LMNA: variants seen among roughly 807,000 people sequenced by gnomAD.
The protein encoded by LMNA is lamin A/C, also known as lamin.
In LMNA, 20 loss-of-function variants were observed where a neutral mutation model predicts 70.4. That is an observed-to-expected ratio of 0.28 (90% CI 0.20 to 0.41). The LOEUF is 0.41. Ranked by LOEUF, LMNA falls within the 10% of genes least tolerant of loss-of-function variation. The pLI is 1.00. For missense variants in LMNA, 652 were observed against 917.2 expected, an observed-to-expected ratio of 0.71 and a Z score of 3.73; for synonymous variants, 339 against 372.8, an observed-to-expected ratio of 0.91 and a Z score of 1.04.
intron 3 of LMNA, among the ~76,000 whole-genome samples, chr1:156,101,288 G>A (rs1453842655): frequency 6.6e-6 from 1 of 152,112 alleles, no homozygotes; most frequent in Non-Finnish European, 1.5e-5. Flanking sequence ...CCCGCAGTTC[G>A]AGAATAGCCT....
rs1009376456 is a variant in LMNA at position 156,139,620 on chromosome 1, G to A, written c.*514G>A. The A allele has an allele frequency of 7.3e-5, 104 of 1,431,412 alleles. 1 individual carries two copies. The Admixed American group carries it at 8.1e-4, about 11-fold the overall frequency. 88.7% of individuals were successfully genotyped at this position (1,431,412 alleles called of 1,614,324 possible). On this transcript the variant is annotated 3_prime_UTR_variant, in exon 12 of 12. Coordinates refer to ENST00000368300, the MANE Select transcript of LMNA (RefSeq NM_170707.4). ...GAGAGAGAGAGGACAGCTTGAGCCG[G>A]GCCCCTGGGCTTGGCCTGCTGTGAT...
At position 156,138,450 on chromosome 1, in the gene LMNA, G is replaced by C; in HGVS notation, c.1699-38G>C. The stretch of plus-strand genomic sequence containing the variant: ...GGTTGGGCCTGAGTGGTCAGTCCCA[G>C]ACTCGCCGTCCCGCCTGAGCCTTGT... On this transcript the variant is annotated intron_variant, in intron 10 of 11. Coordinates refer to ENST00000368300, the MANE Select transcript of LMNA (RefSeq NM_170707.4). This position sits in a 1 kb window ranked among gnomAD's most constrained non-coding sequence, Gnocchi z 5.5. The C allele has an allele frequency of 6.2e-7, 1 of 1,601,924 alleles. No individual in the cohort carries two copies. Among genetic ancestry groups the C allele is most frequent in the Non-Finnish European group, 8.5e-7 (1 of 1,176,070 alleles).
intron 2 of LMNA, among the ~76,000 whole-genome samples, chr1:156,087,325 C>T (rs1648518388): frequency 6.6e-6 from 1 of 151,246 alleles, no homozygotes; most frequent in South Asian, 2.1e-4. Context: ...CTCACTGCAA[C>T]CTCCGCCTCC....
chr1:156,124,962 A>G (rs976707202), intron 1 of LMNA, among the ~76,000 whole-genome samples: 1 of 151,972 alleles, frequency 6.6e-6, no homozygotes, highest in Non-Finnish European at 1.5e-5. Context: ...GCCATTTTCT[A>G]TGTTTTGCAC....
chr1:156,098,540 T>C (rs1306991298), intron 3 of LMNA, among the ~76,000 whole-genome samples: 4 of 152,150 alleles, frequency 2.6e-5, no homozygotes, highest in Admixed American at 6.5e-5. Flanking sequence ...GGTGAGATCA[T>C]GGGAAAGACT....
At chr1:156,131,747 G>C (rs61813334) in intron 2 of LMNA, among the ~76,000 whole-genome samples, 1 of 152,208 alleles carries the variant, frequency 6.6e-6, no homozygotes, top group Non-Finnish European at 1.5e-5. Flanking sequence ...AGGAGGACTG[G>C]AGTTGATCAT....
chr1:156,086,406 C>CTG (rs1362987900), intron 2 of LMNA, among the ~76,000 whole-genome samples: 1 of 152,038 alleles, frequency 6.6e-6, no homozygotes, highest in Non-Finnish European at 1.5e-5. Context: ...CTCTCTCTCT[C>CTG]TCTCTCTCTC....
At position 156,138,869 on chromosome 1, in the gene LMNA, G is replaced by A; in HGVS notation, c.1968+112G>A. ...AGCCTGCCTTCTCTTCCGCAGCCCG[G>A]GGGAGTGGGAGCCTCCTCCCCACAG... is the stretch of plus-strand genomic sequence containing the variant. On this transcript the variant is annotated intron_variant, in intron 11 of 11. Coordinates refer to ENST00000368300, the MANE Select transcript of LMNA (RefSeq NM_170707.4). The surrounding 1 kb of genome is among the most constrained non-coding windows in gnomAD (Gnocchi z 5.5). 4 of 1,460,372 alleles carry A rather than the reference G, an allele frequency of 2.7e-6. No homozygotes were observed. Among genetic ancestry groups the A allele is most frequent in the Non-Finnish European group, 3.8e-6 (4 of 1,054,556 alleles). The allele number at this position is 1,460,372 out of a possible 1,614,324, so 90.5% of individuals were successfully genotyped here. A position where few individuals can be genotyped will look rare whatever the true frequency, so the allele number is the denominator to read the frequency against.
chr1:156,101,214 GTGGCACCTCAC>G (rs1649129068), intron 3 of LMNA, among the ~76,000 whole-genome samples: 1 of 152,184 alleles, frequency 6.6e-6, no homozygotes, highest in Non-Finnish European at 1.5e-5. Context: ...TGGGCTGGGC[GTGGCACCTCAC>G]GCCTATAATC....
chr1:156,136,691 G>A lies in LMNA; in HGVS notation c.1381-230G>A, dbSNP rs1007491801. ...AATGGGGATGAATACTGATCCCTAA[G>A]TCTTTGAGTTGTCAGGAAGATGAAA... is the stretch of plus-strand genomic sequence containing the variant. On this transcript the variant is annotated intron_variant, in intron 7 of 11. Coordinates refer to ENST00000368300, the MANE Select transcript of LMNA (RefSeq NM_170707.4). The surrounding 1 kb of genome is among the most constrained non-coding windows in gnomAD (Gnocchi z 6.1). 1.0e-4 allele frequency: 68 copies of A among 670,064 alleles called. 1 individual carries two copies. Among genetic ancestry groups the A allele is most frequent in the Non-Finnish European group, 1.8e-4 (67 of 373,536 alleles). 41.5% of individuals were successfully genotyped at this position (670,064 alleles called of 1,614,324 possible). A position where few individuals can be genotyped will look rare whatever the true frequency, so the allele number is the denominator to read the frequency against.
At chr1:156,121,324 A>T (rs185843901) in intron 1 of LMNA, among the ~76,000 whole-genome samples, 2 of 152,166 alleles carry the variant, frequency 1.3e-5, no homozygotes, top group East Asian at 3.9e-4. Flanking sequence ...GCTGAGAGCC[A>T]CTGAGCCTAG....
In LMNA at chr1:156,137,596, A is replaced by G. The variant is rs558154965; in HGVS notation, c.1609-58A>G. The G allele has an allele frequency of 1.3e-3, 1,883 of 1,449,546 alleles. 4 individuals are homozygous for G. Among genetic ancestry groups the G allele is most frequent in the Non-Finnish European group, 1.6e-3 (1,655 of 1,056,338 alleles). 89.8% of individuals were successfully genotyped at this position (1,449,546 alleles called of 1,614,324 possible). A position where few individuals can be genotyped will look rare whatever the true frequency, so the allele number is the denominator to read the frequency against. On this transcript the variant is annotated intron_variant, in intron 9 of 11. Coordinates refer to ENST00000368300, the MANE Select transcript of LMNA (RefSeq NM_170707.4). The surrounding 1 kb of genome is among the most constrained non-coding windows in gnomAD (Gnocchi z 4.6). ...GTTGCAGGTGGTCACTGGGGTAGAC[A>G]TGCTGTACAACCCTTCCCTGGCCCT...
At chr1:156,126,280 C>A (rs1300109604) in intron 1 of LMNA, 3 of 1,286,268 alleles carry the variant, frequency 2.3e-6, no homozygotes, top group African/African-American at 3.0e-5. Context: ...TGGGCCAGCT[C>A]CTCCACCTCC....
chr1:156,122,689 C>T (rs1050988606), intron 1 of LMNA, among the ~76,000 whole-genome samples: 23 of 152,186 alleles, frequency 1.5e-4, no homozygotes, highest in Non-Finnish European at 1.5e-5. Flanking sequence ...CCCATTGACC[C>T]GGGTTGGGGG....
At chr1:156,086,449 G>T (rs1226946936) in intron 2 of LMNA, among the ~76,000 whole-genome samples, 2 of 145,872 alleles carry the variant, frequency 1.4e-5, no homozygotes, top group Non-Finnish European at 3.0e-5. Flanking sequence ...CACAAGCCAG[G>T]CTTCTGGCCT....
chr1:156,126,620 A>C, intron 1 of LMNA: 2 of 1,022,700 alleles, frequency 2.0e-6, no homozygotes, highest in Non-Finnish European at 3.1e-6. Context: ...CACCAGGCAC[A>C]GCTCTTCAGA....
At position 156,138,841 on chromosome 1, in the gene LMNA, G is replaced by A; in HGVS notation, c.1968+84G>A. On this transcript the variant is annotated intron_variant, in intron 11 of 11. Transcript: ENST00000368300. This position sits in a 1 kb window ranked among gnomAD's most constrained non-coding sequence, Gnocchi z 5.5. ...TAGGACGAGGTGGCCTTGCAGGGGG[G>A]AGAGCCTGCCTTCTCTTCCGCAGCC... 1 of 1,554,656 alleles carries A rather than the reference G, an allele frequency of 6.4e-7. No homozygotes were observed. Among genetic ancestry groups the A allele is most frequent in the South Asian group, 1.1e-5 (1 of 89,044 alleles).
intron 2 of LMNA, among the ~76,000 whole-genome samples, chr1:156,133,037 AC>A (rs1283989323): frequency 6.6e-6 from 1 of 151,210 alleles, no homozygotes; most frequent in African/African-American, 2.4e-5. Context: ...ACAGGGTTTC[AC>A]CATGTTGGTC....
intron 1 of LMNA, among the ~76,000 whole-genome samples, chr1:156,119,709 G>T (rs1010827991): frequency 6.6e-6 from 1 of 152,170 alleles, no homozygotes; most frequent in Admixed American, 6.5e-5. Flanking sequence ...AAGGCAGCTG[G>T]GTGGATGACT....
Sources: gnomAD v4.1 joint callset for allele counts (sites outside exome capture counted in the v4.1 genomes callset) on GRCh38, gnomAD v4.1.1 for gene constraint, Gnocchi (gnomAD v3.1) non-coding constraint, MANE v1.5 for transcripts, NCBI Gene and HGNC (gene_info 2026-07-23, HGNC 2026-07-21) for gene names.